ACOT7: variants seen among roughly 807,000 people sequenced by gnomAD.
The protein encoded by ACOT7 is cytosolic acyl coenzyme A thioester hydrolase.
A neutral mutation model predicts 40.2 loss-of-function variants in ACOT7; 12 were observed. The ratio of observed to expected loss-of-function variants is 0.30; its 90% CI spans 0.19 to 0.48. The LOEUF is 0.48. Ranked by LOEUF, ACOT7 falls within the 20% of genes least tolerant of loss-of-function variation. ACOT7 has a pLI of 0.99. For synonymous variants in ACOT7, 228 were observed against 219.5 expected, an observed-to-expected ratio of 1.04 and a Z score of -0.34; for missense variants, 395 against 530.8, an observed-to-expected ratio of 0.74 and a Z score of 2.51.
At chr1:6,345,484 G>A (rs1641393989) in intron 2 of ACOT7, among the ~76,000 whole-genome samples, 1 of 152,188 alleles carries the variant, frequency 6.6e-6, no homozygotes, top group South Asian at 2.1e-4. Context: ...GATAATAAAT[G>A]GTCCCAACAG....
rs1641711764 is a variant in ACOT7, at chr1:6,355,240, C to G, written c.144-5374G>C. Among the ~76,000 whole-genome samples the G allele has an allele frequency of 6.6e-6, 1 of 152,164 alleles. No individual in the cohort carries two copies. Among genetic ancestry groups the G allele is most frequent in the African/African-American group, 2.4e-5 (1 of 41,442 alleles). ...CTCACAGAGGGCACCCGGCACCACC[C>G]ACCCAAACCCCAGATGCACAGGGAC... is the stretch of plus-strand genomic sequence containing the variant. On this transcript the variant is annotated intron_variant, in intron 1 of 8. Coordinates refer to ENST00000361521, the MANE Select transcript of ACOT7 (RefSeq NM_007274.4). This position sits in a 1 kb window ranked among gnomAD's most constrained non-coding sequence, Gnocchi z 5.0.
chr1:6,332,583 A>C (rs1335986586), intron 4 of ACOT7, among the ~76,000 whole-genome samples: 1 of 152,140 alleles, frequency 6.6e-6, no homozygotes, highest in Admixed American at 6.5e-5. Flanking sequence ...TGGGAGGCCG[A>C]GGTGGGTGGA....
chr1:6,359,884 A>C lies in ACOT7; in HGVS notation c.144-10018T>G, dbSNP rs1641849738. On this transcript the variant is annotated intron_variant, in intron 1 of 8. Transcript: ENST00000361521. This position sits in a 1 kb window ranked among gnomAD's most constrained non-coding sequence, Gnocchi z 4.1. ...AGTTTCACATGTTTAGTTGTGAAAGAGAAAGTTAGGGCAGAGAGGGCTGAT... is the reference window on the plus strand; with the variant it reads ...AGTTTCACATGTTTAGTTGTGAAAGCGAAAGTTAGGGCAGAGAGGGCTGAT... Among the ~76,000 whole-genome samples, 1 of 152,166 alleles carries C rather than the reference A, an allele frequency of 6.6e-6. No individual in the cohort carries two copies. Among genetic ancestry groups the C allele is most frequent in the South Asian group, 2.1e-4 (1 of 4,832 alleles).
At chr1:6,364,624 C>T (rs1641961269) in intron 1 of ACOT7, among the ~76,000 whole-genome samples, 5 of 151,018 alleles carry the variant, frequency 3.3e-5, no homozygotes, top group Admixed American at 2.6e-4. Flanking sequence ...CCGAGGTGGG[C>T]AGATCACGAG....
At chr1:6,343,977 G>A (rs971206749) in intron 2 of ACOT7, among the ~76,000 whole-genome samples, 3 of 152,212 alleles carry the variant, frequency 2.0e-5, no homozygotes, top group African/African-American at 4.8e-5. Context: ...ATGGGGCCAC[G>A]CCACGATGGG....
At chr1:6,322,420 G>A (rs942141771) in intron 5 of ACOT7, among the ~76,000 whole-genome samples, 3 of 152,252 alleles carry the variant, frequency 2.0e-5, no homozygotes, top group Non-Finnish European at 4.4e-5. Flanking sequence ...AGGGAGGGGA[G>A]GCGGTTTGAA....
chr1:6,374,590 AG>A (rs1642191487), intron 1 of ACOT7, among the ~76,000 whole-genome samples: 1 of 152,160 alleles, frequency 6.6e-6, no homozygotes, highest in South Asian at 2.1e-4. Flanking sequence ...ATGGTGGATG[AG>A]GGGCAGGTGG....
In ACOT7 at chr1:6,311,017, T is replaced by G. The variant is rs1640315681; in HGVS notation, c.712+7475A>C. Among the ~76,000 whole-genome samples, 1 of 152,156 alleles carries G rather than the reference T, an allele frequency of 6.6e-6. No homozygotes were observed. The highest frequency in any genetic ancestry group is 6.5e-5 in the Admixed American group (1 of 15,272). ...CCTCCCAAAGTGCTGGGATTACAGG[T>G]GTGAGCCACCACGTTCAGCCGGAAT... On this transcript the variant is annotated intron_variant, in intron 6 of 8. Coordinates refer to ENST00000361521, the MANE Select transcript of ACOT7 (RefSeq NM_007274.4). The surrounding 1 kb of genome is among the most constrained non-coding windows in gnomAD (Gnocchi z 5.2).
chr1:6,358,743 C>T lies in ACOT7; in HGVS notation c.144-8877G>A, dbSNP rs563377338. 2.9e-4 allele frequency: 421 copies of T among 1,441,134 alleles called. 5 individuals carry two copies. In the South Asian group the frequency reaches 4.7e-3, roughly 16 times the overall value. 89.3% of individuals were successfully genotyped at this position (1,441,134 alleles called of 1,614,324 possible). A position where few individuals can be genotyped will look rare whatever the true frequency, so the allele number is the denominator to read the frequency against. The stretch of plus-strand genomic sequence containing the variant: ...GGCACAGGGGCCGAGTCCCCTCTAC[C>T]CACCCTTCCCTTCCAAATGTCCCTA... On this transcript the variant is annotated intron_variant, in intron 1 of 8. Transcript: ENST00000361521. The surrounding 1 kb of genome is among the most constrained non-coding windows in gnomAD (Gnocchi z 4.1).
In ACOT7 at chr1:6,330,461, G is replaced by A. The variant is rs1640924927; in HGVS notation, c.510+3016C>T. On this transcript the variant is annotated intron_variant, in intron 4 of 8. Coordinates refer to ENST00000361521, the MANE Select transcript of ACOT7 (RefSeq NM_007274.4). This position sits in a 1 kb window ranked among gnomAD's most constrained non-coding sequence, Gnocchi z 4.6. ...CAAAGAGCTCTGAACAACAGCTGCA[G>A]CTGAGAACCGTGCAGCCTCTCCCAT... 6.6e-6 allele frequency among the ~76,000 whole-genome samples: 1 copy of A among 152,206 alleles called. No individual in the cohort carries two copies. Among genetic ancestry groups the A allele is most frequent in the Admixed American group, 6.5e-5 (1 of 15,280 alleles).
chr1:6,392,881 C>G (rs990314359), intron 1 of ACOT7, among the ~76,000 whole-genome samples: 5 of 152,186 alleles, frequency 3.3e-5, no homozygotes, highest in African/African-American at 1.2e-4. Context: ...GGCTGAGGCT[C>G]CGGGATGCTC....
intron 8 of ACOT7, among the ~76,000 whole-genome samples, chr1:6,276,889 C>T (rs112391130): frequency 0.022 from 3,313 of 152,224 alleles, 124 homozygotes; most frequent in African/African-American, 0.075. Flanking sequence ...CGCGGCCACA[C>T]CCAGGGGATG....
intron 7 of ACOT7, among the ~76,000 whole-genome samples, chr1:6,285,645 G>A (rs1186827926): frequency 1.2e-4 from 18 of 152,362 alleles, no homozygotes; most frequent in Non-Finnish European, 2.4e-4. Context: ...GGCTGGTCAT[G>A]CATCAGAGAG....
At chr1:6,279,382 C>G (rs1216216649) in intron 8 of ACOT7, among the ~76,000 whole-genome samples, 1 of 152,156 alleles carries the variant, frequency 6.6e-6, no homozygotes, top group East Asian at 1.9e-4. Context: ...AAGGAGCAGG[C>G]AGCAGAGCCA....
chr1:6,303,851 G>C (rs80073879), intron 6 of ACOT7, among the ~76,000 whole-genome samples: 41 of 152,288 alleles, frequency 2.7e-4, no homozygotes, highest in African/African-American at 9.4e-4. Context: ...TAGACCCAGG[G>C]AGAAGGGCCA....
At chr1:6,323,731 A>AT (rs1419198369) in intron 5 of ACOT7, among the ~76,000 whole-genome samples, 52 of 90,088 alleles carry the variant, frequency 5.8e-4, no homozygotes, top group Non-Finnish European at 9.4e-4. Flanking sequence ...AAAAAAAAAA[A>AT]AAAAAAATAT....
intron 1 of ACOT7, 82 bp downstream of exon 1, chr1:6,393,175 G>T: frequency 4.2e-6 from 5 of 1,196,428 alleles, no homozygotes; most frequent in Non-Finnish European, 5.2e-6. Context: ...GGCGGGTGGG[G>T]ACCACAGAGC....
At chr1:6,304,706 T>TG (rs1353800693) in intron 6 of ACOT7, among the ~76,000 whole-genome samples, 1 of 131,408 alleles carries the variant, frequency 7.6e-6, no homozygotes, top group African/African-American at 3.2e-5. Flanking sequence ...AGCACAGGGT[T>TG]GGGGGTAAGG....
Position 6,274,255 on chromosome 1 carries a change from C to T in ACOT7, c.1014+6847G>A, listed in dbSNP as rs1156903551. 6.6e-6 allele frequency among the ~76,000 whole-genome samples: 1 copy of T among 152,206 alleles called. No homozygotes were observed. The highest frequency in any genetic ancestry group is 1.5e-5 in the Non-Finnish European group (1 of 68,032). On this transcript the variant is annotated intron_variant, in intron 8 of 8. Coordinates refer to ENST00000361521, the MANE Select transcript of ACOT7 (RefSeq NM_007274.4). The surrounding 1 kb of genome is among the most constrained non-coding windows in gnomAD (Gnocchi z 5.9). ...GAGGGAACTTGGGGTAACAGCCTGGCGACGGCTCAAGACAGCCACAGCCAA... is the reference window on the plus strand; with the variant it reads ...GAGGGAACTTGGGGTAACAGCCTGGTGACGGCTCAAGACAGCCACAGCCAA...
Sources: gnomAD v4.1 joint callset for allele counts (sites outside exome capture counted in the v4.1 genomes callset) on GRCh38, gnomAD v4.1.1 for gene constraint, Gnocchi (gnomAD v3.1) non-coding constraint, MANE v1.5 for transcripts, NCBI Gene and HGNC (gene_info 2026-07-23, HGNC 2026-07-21) for gene names.